Variants in TTC28 observed in about 807,000 individuals in gnomAD.
The protein encoded by TTC28 is tetratricopeptide repeat domain 28.
Under a neutral mutation model 198.0 loss-of-function variants are expected in TTC28, and 61 were observed. The observed-to-expected ratio is 0.31, with a 90% CI of 0.25 to 0.38. The LOEUF is 0.38. TTC28 is among the 10% of genes least tolerant of loss of function. The pLI, the probability that TTC28 is intolerant of heterozygous loss-of-function variation, is 1.00. For synonymous variants in TTC28, 1,171 were observed against 1,297.8 expected, an observed-to-expected ratio of 0.90 and a Z score of 2.10; for missense variants, 2,678 against 3,164.0, an observed-to-expected ratio of 0.85 and a Z score of 3.69.
intron 2 of TTC28, among the ~76,000 whole-genome samples, chr22:28,607,720 C>T (rs2146138800): frequency 6.6e-6 from 1 of 152,210 alleles, no homozygotes; most frequent in South Asian, 2.1e-4. Flanking sequence ...TCTTACTTTA[C>T]CTTTAAAATA....
At chr22:28,130,818 T>C (rs1271403228) in intron 6 of TTC28, among the ~76,000 whole-genome samples, 2 of 152,240 alleles carry the variant, frequency 1.3e-5, no homozygotes, top group African/African-American at 4.8e-5. Flanking sequence ...TTTTGTTTTT[T>C]ACTTTTTACT....
At chr22:28,460,371 T>G (rs1035604346) in intron 2 of TTC28, among the ~76,000 whole-genome samples, 3 of 152,102 alleles carry the variant, frequency 2.0e-5, no homozygotes, top group African/African-American at 7.2e-5. Context: ...AAATTAAAAG[T>G]CGTTCTTCCC....
chr22:28,340,210 G>A (rs879594319), intron 2 of TTC28, among the ~76,000 whole-genome samples: 23 of 151,994 alleles, frequency 1.5e-4, no homozygotes, highest in Non-Finnish European at 2.9e-4. Flanking sequence ...CTGGGGCTTC[G>A]TTCCATCATT....
intron 2 of TTC28, among the ~76,000 whole-genome samples, chr22:28,459,390 G>A (rs1427322091): frequency 1.3e-5 from 2 of 151,100 alleles, no homozygotes; most frequent in Non-Finnish European, 1.5e-5. Context: ...AAGATGGCAC[G>A]ACTGCACTCC....
At chr22:28,408,570 T>C (rs1396819117) in intron 2 of TTC28, among the ~76,000 whole-genome samples, 1 of 152,196 alleles carries the variant, frequency 6.6e-6, no homozygotes, top group Non-Finnish European at 1.5e-5. Context: ...TTTGTATTTT[T>C]AGTAGAGACA....
chr22:28,188,701 C>T (rs2147120961), intron 5 of TTC28, among the ~76,000 whole-genome samples: 1 of 152,304 alleles, frequency 6.6e-6, no homozygotes, highest in South Asian at 2.1e-4. Context: ...ATCCTTCTCA[C>T]ATTACAAGCC....
chr22:28,580,169 G>C (rs60410397), intron 2 of TTC28, among the ~76,000 whole-genome samples: 20,686 of 152,060 alleles, frequency 0.14, 1,790 homozygotes, highest in East Asian at 0.39. Context: ...TTCCTTCTCT[G>C]TCAAATAACA....
intron 2 of TTC28, among the ~76,000 whole-genome samples, chr22:28,329,643 G>C (rs901590814): frequency 2.0e-5 from 3 of 152,108 alleles, no homozygotes; most frequent in African/African-American, 7.2e-5. Context: ...GAAATGTTCT[G>C]TGCCAGGGAC....
At chr22:27,994,450 G>GTGT (rs1555900221) in intron 17 of TTC28, 4 of 136,010 alleles carry the variant, frequency 2.9e-5, no homozygotes, top group African/African-American at 1.1e-4. Context: ...GTCACCTGAG[G>GTGT]TTTTTTTTTT....
chr22:28,342,315 T>C (rs2045844465), intron 2 of TTC28, among the ~76,000 whole-genome samples: 1 of 152,208 alleles, frequency 6.6e-6, no homozygotes, highest in Admixed American at 6.5e-5. Flanking sequence ...AACATATCTA[T>C]CAACTGAAAG....
intron 2 of TTC28, among the ~76,000 whole-genome samples, chr22:28,320,261 T>C (rs1044301402): frequency 6.6e-6 from 1 of 150,774 alleles, no homozygotes; most frequent in Non-Finnish European, 1.5e-5. Context: ...GGTAATTCTC[T>C]AGGTTTTTTT....
intron 6 of TTC28, among the ~76,000 whole-genome samples, chr22:28,141,984 A>G (rs1024669353): frequency 1.3e-5 from 2 of 152,330 alleles, no homozygotes; most frequent in African/African-American, 2.4e-5. Flanking sequence ...TGTAGGCTCT[A>G]CTTCCAGATT....
intron 16 of TTC28, chr22:27,998,185 A>T (rs760125268): frequency 3.4e-6 from 1 of 295,674 alleles, no homozygotes; most frequent in Non-Finnish European, 6.3e-6. Flanking sequence ...CACAGCCAGG[A>T]CATGGAGTAG....
At position 28,164,411 on chromosome 22, in the gene TTC28, C is replaced by T. The variant is rs967731062; in HGVS notation, c.934-812G>A. Among the ~76,000 whole-genome samples, 22 of 152,334 alleles carry T rather than the reference C, an allele frequency of 1.4e-4. 1 individual carries two copies. Among genetic ancestry groups the T allele is most frequent in the Admixed American group, 1.4e-3 (22 of 15,302 alleles). On this transcript the variant is annotated intron_variant, in intron 5 of 22. Transcript: ENST00000397906. ...GCACCCTCCAGTAGGGGCGGACTGA[C>T]ACCTCACATGGCAGGGTACTCCTCT...
chr22:28,481,067 CT>C (rs1365722426), intron 2 of TTC28, among the ~76,000 whole-genome samples: 1 of 152,182 alleles, frequency 6.6e-6, no homozygotes, highest in African/African-American at 2.4e-5. Context: ...CATGCCTTAA[CT>C]ACTATGCTAT....
rs981568792 is a variant in TTC28, at chr22:28,035,214, A to C, written c.3933-4848T>G. On this transcript the variant is annotated intron_variant, in intron 12 of 22. Transcript: ENST00000397906. Reference sequence around the variant, plus strand: ...CCCCCTCCAGGCTTCTTGTGCACTGATAACCAGTTATTTGCCAAAGACCAA... The same window carrying C: ...CCCCCTCCAGGCTTCTTGTGCACTGCTAACCAGTTATTTGCCAAAGACCAA... Among the ~76,000 whole-genome samples the C allele has an allele frequency of 5.9e-5, 9 of 152,132 alleles. No individual in the cohort carries two copies. The South Asian group carries it at 1.0e-3, about 18-fold the overall frequency.
rs1398897907 is a variant in TTC28, at chr22:27,998,601, C to T, written c.5058G>A (p.Leu1686=). 1 of 1,550,848 alleles carries T rather than the reference C, an allele frequency of 6.4e-7. No homozygotes were observed. The highest frequency in any genetic ancestry group is 8.7e-7 in the Non-Finnish European group (1 of 1,147,000). ...TCTGCACCACCTTCATGGCCTCCCC[C>T]AGGGCGGCGCTGGCTTTCAGGCCGT... is the stretch of plus-strand genomic sequence containing the variant. ...LLNGLKASAA[L]GEAMKVVQSS... is the part of the protein sequence containing the mutation. The change falls in exon 16 of 23, where the codon CTG becomes CTA. Residue 1686 remains leucine, a synonymous_variant. Transcript: ENST00000397906.
At chr22:28,306,434 T>C in intron 3 of TTC28, 62 bp downstream of exon 3, 2 of 1,506,078 alleles carry the variant, frequency 1.3e-6, no homozygotes, top group Non-Finnish European at 1.8e-6. Context: ...CCTAAAGTCT[T>C]GGAAGGCTAG....
chr22:28,536,577 T>C (rs1211075108), intron 2 of TTC28, among the ~76,000 whole-genome samples: 19 of 152,150 alleles, frequency 1.2e-4, no homozygotes, highest in East Asian at 1.9e-4. Flanking sequence ...TGAGCCGAGA[T>C]TGCGCCACTG....
Sources: gnomAD v4.1 joint callset for allele counts (sites outside exome capture counted in the v4.1 genomes callset) on GRCh38, gnomAD v4.1.1 for gene constraint, MANE v1.5 for transcripts, NCBI Gene and HGNC (gene_info 2026-07-23, HGNC 2026-07-21) for gene names.